The following ZNF415 variants were observed in gnomAD, a reference collection of about 807,000 sequenced individuals.
The protein encoded by ZNF415 is zinc finger protein 415.
A neutral mutation model predicts 7.3 loss-of-function variants in ZNF415; 5 were observed. That is an observed-to-expected ratio of 0.69 (90% CI 0.36 to 1.44). The LOEUF is 1.44. Among genes scored for constraint, ZNF415 ranks in the 40% most tolerant of loss-of-function variants. ZNF415 has a pLI of 0.04. For synonymous variants in ZNF415, 207 were observed against 226.3 expected, an observed-to-expected ratio of 0.91 and a Z score of 0.77; for missense variants, 628 against 664.8, an observed-to-expected ratio of 0.94 and a Z score of 0.61.
At chr19:53,112,189 C>T (rs1316449960) in intron 3 of ZNF415, among the ~76,000 whole-genome samples, 1 of 152,162 alleles carries the variant, frequency 6.6e-6, no homozygotes, top group Non-Finnish European at 1.5e-5. Context: ...AGTGATCCGC[C>T]CACCTCAGCC....
At chr19:53,129,958 A>T (rs566333790) in intron 1 of ZNF415, among the ~76,000 whole-genome samples, 1 of 151,852 alleles carries the variant, frequency 6.6e-6, no homozygotes. Context: ...CCAGCTACTC[A>T]GGAGGCTGAG....
At chr19:53,117,725 T>C (rs2870443) in intron 2 of ZNF415, among the ~76,000 whole-genome samples, 60,036 of 151,892 alleles carry the variant, frequency 0.4, 12,733 homozygotes, top group East Asian at 0.61. Context: ...CTACAAGAAA[T>C]GCTTAAGGGA....
rs182412524 is a variant in ZNF415 at position 53,112,689 on chromosome 19, T to C, written c.137-2781A>G. Among the ~76,000 whole-genome samples, 698 of 152,090 alleles carry C rather than the reference T, an allele frequency of 4.6e-3. 5 individuals are homozygous for C. The highest frequency in any genetic ancestry group is 0.016 in the African/African-American group (661 of 41,464). ...TGCAGATCAAGGTATCATGTGAGGA[T>C]AGGAGAGAGGAAGGGCAAGAGCACA... On this transcript the variant is annotated intron_variant, in intron 3 of 3. Coordinates refer to ENST00000243643, the MANE Select transcript of ZNF415 (RefSeq NM_018355.4).
intron 3 of ZNF415, among the ~76,000 whole-genome samples, chr19:53,112,375 A>G (rs1446834001): frequency 2.0e-5 from 3 of 152,196 alleles, no homozygotes; most frequent in African/African-American, 7.2e-5. Flanking sequence ...AAAAGGAGCT[A>G]CAAGAGCTGG....
chr19:53,120,813 C>T (rs575462662), intron 2 of ZNF415, among the ~76,000 whole-genome samples: 42 of 152,118 alleles, frequency 2.8e-4, no homozygotes, highest in African/African-American at 9.6e-4. Context: ...TGGCTGGGCG[C>T]GGTGGCTCAT....
intron 1 of ZNF415, among the ~76,000 whole-genome samples, chr19:53,131,569 T>A (rs145169211): frequency 1.8e-3 from 271 of 152,176 alleles, no homozygotes; most frequent in Middle Eastern, 0.014. Context: ...GTTCCGTACA[T>A]CGCTCTCATT....
intron 3 of ZNF415, chr19:53,115,561 G>A (rs2086890857): frequency 3.0e-6 from 2 of 658,564 alleles, no homozygotes; most frequent in Non-Finnish European, 2.7e-6. Context: ...AAGAGCAGAG[G>A]GAGAAGTAGG....
At chr19:53,115,600 A>T in intron 3 of ZNF415, 1 of 869,006 alleles carries the variant, frequency 1.2e-6, no homozygotes, top group South Asian at 1.5e-5. Flanking sequence ...CTAAGAGCTC[A>T]CAGGATATAA....
At chr19:53,116,609 C>CTTTTTTTTTTTTTTTTTT (rs1410295819) in intron 2 of ZNF415, among the ~76,000 whole-genome samples, 176 bp from the exon 3 acceptor site, 8 of 81,118 alleles carry the variant, frequency 9.9e-5, no homozygotes, top group Admixed American at 3.1e-4. Context: ...GGTTTTTTTT[C>CTTTTTTTTTTTTTTTTTT]TCTCTTTTTT....
At chr19:53,110,096 A>G (rs2086020245) in intron 3 of ZNF415, among the ~76,000 whole-genome samples, 188 bp from the exon 4 acceptor site, 1 of 152,176 alleles carries the variant, frequency 6.6e-6, no homozygotes, top group African/African-American at 2.4e-5. Flanking sequence ...GGGTGATTAC[A>G]TGGCATTCAA....
Position 53,116,427 on chromosome 19 carries a change from A to G in ZNF415, c.22T>C (p.Phe8Leu). Residue 8 changes from phenylalanine to leucine, a missense_variant, in exon 3 of 4, where the codon TTC becomes CTC. Coordinates refer to ENST00000243643, the MANE Select transcript of ZNF415 (RefSeq NM_018355.4). ...GAGAATTCGATGGCCACGTCCCTGAATGTCAACTGTCCGTAAAATAATAAA... is the reference window on the plus strand; with the variant it reads ...GAGAATTCGATGGCCACGTCCCTGAGTGTCAACTGTCCGTAAAATAATAAA... The part of the protein sequence containing the change: MAFTQLT[F>L]RDVAIEFSQD... 6.2e-7 allele frequency: 1 copy of G among 1,614,172 alleles called. No individual in the cohort carries two copies.
intron 2 of ZNF415, among the ~76,000 whole-genome samples, chr19:53,116,971 G>A (rs1280577829): frequency 1.3e-5 from 2 of 151,960 alleles, no homozygotes; most frequent in East Asian, 3.9e-4. Context: ...CCCAGAAGGT[G>A]GAGAGAAAAT....
At position 53,122,755 on chromosome 19, in the gene ZNF415, C is replaced by A. The variant is rs759417580; in HGVS notation, c.-67-12G>T. The A allele has an allele frequency of 6.3e-7, 1 of 1,594,140 alleles. No homozygotes were observed. On this transcript the variant is annotated splice_polypyrimidine_tract_variant and intron_variant, in intron 1 of 3. Transcript: ENST00000243643. The stretch of plus-strand genomic sequence containing the variant: ...TTTGGAAGTCAATGCTGAATAACAA[C>A]AACAAGTGCTGTTTATTGCTTAGAA...
At chr19:53,116,285 T>G in intron 3 of ZNF415, 28 bp downstream of exon 3, 1 of 1,588,536 alleles carries the variant, frequency 6.3e-7, no homozygotes. Context: ...AGGGCAGATT[T>G]TGACTTCTGG....
rs757045138 is a variant in ZNF415 at position 53,109,267 on chromosome 19, CA to C, written c.777del (p.Ala260ArgfsTer80). 2 of 1,614,154 alleles carry C rather than the reference CA, an allele frequency of 1.2e-6. No individual in the cohort carries two copies. Among genetic ancestry groups the C allele is most frequent in the Admixed American group, 1.7e-5 (1 of 60,020 alleles). On this transcript the variant is annotated frameshift_variant, in exon 4 of 4. Transcript: ENST00000243643. LOFTEE classifies it low-confidence loss of function (END_TRUNC). The stretch of plus-strand genomic sequence containing the variant: ...CCAGTATGAACTCTCCAATGACGCG[CA>C]AGGTTTGATTTTTGACTAAAGACCT... ...CGKVFSQKSN[L>X]ARHWRVHTGE...
chr19:53,112,456 T>A (rs1273866114), intron 3 of ZNF415, among the ~76,000 whole-genome samples: 1 of 152,166 alleles, frequency 6.6e-6, no homozygotes, highest in Non-Finnish European at 1.5e-5. Flanking sequence ...ACACCACCAA[T>A]GCATCTAGTC....
chr19:53,109,734 T>C lies in ZNF415; in HGVS notation c.311A>G (p.Glu104Gly). The C allele has an allele frequency of 6.2e-7, 1 of 1,614,008 alleles. No homozygotes were observed. ...HDFDCQWRDDERNCNKVTTAP... is the reference protein window; with the variant it reads ...HDFDCQWRDDGRNCNKVTTAP... Reference sequence around the variant, plus strand: ...CGTAGTCACTTTGTTGCAATTTCTTTCATCATCTCTCCACTGACAGTCAAA... The same window carrying C: ...CGTAGTCACTTTGTTGCAATTTCTTCCATCATCTCTCCACTGACAGTCAAA... Residue 104 changes from glutamate (E) to glycine (G), a missense_variant, in exon 4 of 4, where the codon GAA (glutamate) becomes GGA (glycine). Coordinates refer to ENST00000243643, the MANE Select transcript of ZNF415 (RefSeq NM_018355.4).
In ZNF415 at chr19:53,108,490, T is replaced by C; in HGVS notation, c.1555A>G (p.Thr519Ala). 6.2e-7 allele frequency: 1 copy of C among 1,614,170 alleles called. No individual in the cohort carries two copies. Among genetic ancestry groups the C allele is most frequent in the South Asian group, 1.1e-5 (1 of 91,084 alleles). Residue 519 changes from threonine to alanine, a missense_variant, in exon 4 of 4, where the codon ACT (threonine) becomes GCT (alanine). By Grantham distance (58) the Thr-to-Ala change is moderately conservative (BLOSUM62 0). Coordinates refer to ENST00000243643, the MANE Select transcript of ZNF415 (RefSeq NM_018355.4). ...PNLTRHQIIH[T>A]GKKPYKCSDC... ...CTACATTTGTAAGGTTTCTTTCCAG[T>C]ATGGATTATCTGATGTCTAGTGAGG...
chr19:53,109,822 G>T lies in ZNF415; in HGVS notation c.223C>A (p.Gln75Lys), dbSNP rs1305606983. The part of the protein sequence containing the change: ...GEVFHTVTLE[Q>K]HEKHDIEEFC... ...TCTTCAATGTCATGTTTTTCATGTT[G>T]TTCCAATGTCACTGTGTGGAATACT... Residue 75 changes from glutamine to lysine, a missense_variant, in exon 4 of 4, where the codon CAA becomes AAA. Coordinates refer to ENST00000243643, the MANE Select transcript of ZNF415 (RefSeq NM_018355.4). 1 of 1,613,522 alleles carries T rather than the reference G, an allele frequency of 6.2e-7. No individual in the cohort carries two copies. Among genetic ancestry groups the T allele is most frequent in the African/African-American group, 1.3e-5 (1 of 74,772 alleles).
Sources: allele counts gnomAD v4.1 joint callset (sites outside exome capture counted in the v4.1 genomes callset), GRCh38; gene constraint gnomAD v4.1.1; transcripts MANE v1.5; gene names NCBI Gene and HGNC (gene_info 2026-07-23, HGNC 2026-07-21).